Variants in NRG3 observed in about 807,000 individuals in gnomAD.
NRG3 encodes the protein neuregulin 3.
Under a neutral mutation model 66.9 loss-of-function variants are expected in NRG3, and 31 were observed. That is an observed-to-expected ratio of 0.46 (90% confidence interval 0.35 to 0.63). NRG3 has a LOEUF of 0.63. Ranked by LOEUF, NRG3 falls within the 20% of genes least tolerant of loss-of-function variation. The pLI is 0.00. For missense variants in NRG3, 910 were observed against 878.9 expected (o/e 1.04, Z -0.45); for synonymous variants, 393 against 359.4 (o/e 1.09, Z -1.06).
intron 1 of NRG3, among the ~76,000 whole-genome samples, chr10:82,160,426 C>G (rs952713195): frequency 3.9e-5 from 6 of 151,942 alleles, no homozygotes; most frequent in African/African-American, 1.4e-4. Context: ...AATGCTTTGT[C>G]ATGGCTATAC....
In NRG3 at chr10:82,336,547, C is replaced by T. The variant is rs191645451; in HGVS notation, c.824-22192C>T. Among the ~76,000 whole-genome samples, 1,134 of 130,540 alleles carry T rather than the reference C, an allele frequency of 8.7e-3. 10 individuals carry two copies. The highest frequency in any genetic ancestry group is 0.032 in the African/African-American group (1,049 of 32,896). 85.6% of individuals were successfully genotyped at this position (130,540 alleles called of 152,430 possible). ...TTCTTTTCTTTTTTTTTTTTTTTTA[C>T]AGTCTTGTTCTGTTGCCCAGGCTGG... is the stretch of plus-strand genomic sequence containing the variant. On this transcript the variant is annotated intron_variant, in intron 1 of 8. Transcript: ENST00000372141.
At chr10:82,347,178 T>C (rs1008279635) in intron 1 of NRG3, among the ~76,000 whole-genome samples, 39 of 147,080 alleles carry the variant, frequency 2.7e-4, no homozygotes, top group Middle Eastern at 3.5e-3. Flanking sequence ...ATTTTGGATC[T>C]TTCCTGCTTT....
chr10:82,784,015 G>T (rs1591514059), intron 3 of NRG3, among the ~76,000 whole-genome samples: 1 of 151,852 alleles, frequency 6.6e-6, no homozygotes, highest in Admixed American at 6.6e-5. Flanking sequence ...CAGAGATATA[G>T]ATCAATGGAA....
intron 1 of NRG3, among the ~76,000 whole-genome samples, chr10:82,116,686 A>C (rs900488678): frequency 6.6e-6 from 1 of 152,166 alleles, no homozygotes; most frequent in African/African-American, 2.4e-5. Flanking sequence ...AAAGTGTTTA[A>C]TAGACATATA....
intron 1 of NRG3, among the ~76,000 whole-genome samples, chr10:82,019,814 T>A (rs887842767): frequency 3.9e-5 from 6 of 152,296 alleles, no homozygotes; most frequent in Admixed American, 1.3e-4. Context: ...TGTGTCTATT[T>A]GATTCTTCTC....
chr10:82,371,474 C>T (rs984336796), intron 2 of NRG3, among the ~76,000 whole-genome samples: 9 of 151,948 alleles, frequency 5.9e-5, no homozygotes, highest in East Asian at 3.9e-4. Context: ...TTCAATGTTC[C>T]GAGTCCACTG....
At chr10:82,603,256 C>T (rs1420647234) in intron 2 of NRG3, among the ~76,000 whole-genome samples, 1 of 152,124 alleles carries the variant, frequency 6.6e-6, no homozygotes, top group Admixed American at 6.5e-5. Context: ...GCTAGAGCCC[C>T]ACTCTCGGGA....
intron 2 of NRG3, among the ~76,000 whole-genome samples, chr10:82,524,576 C>A (rs2132577292): frequency 6.6e-6 from 1 of 151,896 alleles, no homozygotes; most frequent in South Asian, 2.1e-4. Context: ...TACCATAATT[C>A]TCTGTTAGAT....
intron 2 of NRG3, among the ~76,000 whole-genome samples, chr10:82,556,859 T>C (rs887155618): frequency 3.3e-5 from 5 of 152,176 alleles, no homozygotes; most frequent in Admixed American, 3.3e-4. Context: ...GTTCTCATCA[T>C]CTAGCTCCTA....
intron 1 of NRG3, among the ~76,000 whole-genome samples, chr10:82,164,004 T>A (rs2071828091): frequency 6.6e-6 from 1 of 150,540 alleles, no homozygotes; most frequent in Non-Finnish European, 1.5e-5. Flanking sequence ...CACTGCAACC[T>A]CCACCTCCTG....
intron 2 of NRG3, among the ~76,000 whole-genome samples, chr10:82,388,806 G>C (rs2086173478): frequency 6.6e-6 from 1 of 152,186 alleles, no homozygotes; most frequent in Admixed American, 6.5e-5. Flanking sequence ...GCTTGGGCTT[G>C]AGTGTCTGAG....
intron 1 of NRG3, among the ~76,000 whole-genome samples, chr10:81,922,840 G>A (rs1564660158): frequency 1.3e-5 from 2 of 152,168 alleles, no homozygotes; most frequent in Non-Finnish European, 1.5e-5. Context: ...TTTATAGAAT[G>A]TCTAGGATTT....
chr10:82,083,556 G>A (rs1024084282), intron 1 of NRG3, among the ~76,000 whole-genome samples: 8 of 147,550 alleles, frequency 5.4e-5, no homozygotes, highest in African/African-American at 2.0e-4. Context: ...TAGCAAACTT[G>A]TTTTCTCTCT....
chr10:82,161,149 T>A (rs1221309123), intron 1 of NRG3, among the ~76,000 whole-genome samples: 1 of 152,014 alleles, frequency 6.6e-6, no homozygotes, highest in Non-Finnish European at 1.5e-5. Context: ...TTATCAAGAA[T>A]TCAGGTGGGG....
intron 3 of NRG3, among the ~76,000 whole-genome samples, chr10:82,834,333 T>C (rs2062673403): frequency 1.3e-5 from 2 of 152,172 alleles, no homozygotes; most frequent in African/African-American, 2.4e-5. Flanking sequence ...TCTAAGCCGT[T>C]CACTCCTGAG....
chr10:82,702,816 G>T (rs2055988130), intron 2 of NRG3, among the ~76,000 whole-genome samples: 1 of 152,046 alleles, frequency 6.6e-6, no homozygotes, highest in South Asian at 2.1e-4. Context: ...AAATAATAAG[G>T]GACAATATCT....
intron 2 of NRG3, among the ~76,000 whole-genome samples, chr10:82,714,676 G>A (rs1479635490): frequency 6.6e-6 from 1 of 152,180 alleles, no homozygotes; most frequent in African/African-American, 2.4e-5. Context: ...AAGGATTGAT[G>A]TCTGTTGCTA....
At chr10:82,768,602 A>G in intron 3 of NRG3, among the ~76,000 whole-genome samples, 1 of 152,132 alleles carries the variant, frequency 6.6e-6, no homozygotes, top group Admixed American at 6.6e-5. Context: ...AAGAAAACAG[A>G]TAAAATATTT....
chr10:82,339,234 A>T (rs549308629), intron 1 of NRG3, among the ~76,000 whole-genome samples: 15 of 152,244 alleles, frequency 9.9e-5, no homozygotes, highest in Admixed American at 7.8e-4. Context: ...TACATTCTTG[A>T]TTTCCTGTAT....
Sources: gnomAD v4.1 joint callset for allele counts (sites outside exome capture counted in the v4.1 genomes callset) on GRCh38, gnomAD v4.1.1 for gene constraint, MANE v1.5 for transcripts, NCBI Gene and HGNC (gene_info 2026-07-23, HGNC 2026-07-21) for gene names.